Variants in MGAT4C observed in about 807,000 individuals in gnomAD.
MGAT4C encodes MGAT4 family member C.
In MGAT4C, 19 loss-of-function variants were observed where a neutral mutation model predicts 40.1. The observed-to-expected ratio is 0.47, with a 90% CI of 0.33 to 0.70. MGAT4C has a LOEUF of 0.70. MGAT4C is among the 30% of genes least tolerant of loss of function. MGAT4C has a pLI of 0.02. For synonymous variants in MGAT4C, 181 were observed against 187.1 expected, an observed-to-expected ratio of 0.97 and a Z score of 0.27; for missense variants, 491 against 563.2, an observed-to-expected ratio of 0.87 and a Z score of 1.30.
chr12:86,709,601 T>C (rs1297515144), intron 2 of MGAT4C, among the ~76,000 whole-genome samples: 5 of 152,132 alleles, frequency 3.3e-5, no homozygotes, highest in Admixed American at 3.3e-4. Context: ...TATGTATGTA[T>C]GTTTTATAGA....
Position 85,974,291 on chromosome 12 carries a change from G to T in MGAT4C, c.*4998C>A, listed in dbSNP as rs1419067178. On this transcript the variant is annotated 3_prime_UTR_variant, in exon 5 of 5. Transcript: ENST00000611864. ...AGTGAGAACATGAAAGCAAAAGCAA[G>T]TTCAGAAGAGGAACACAACCAGGAG... 2 of 150,796 alleles carry T rather than the reference G, an allele frequency of 1.3e-5. No homozygotes were observed. The highest frequency in any genetic ancestry group is 6.6e-5 in the Admixed American group (1 of 15,086). The allele number at this position is 150,796 out of a possible 1,614,324, so 9.3% of individuals were successfully genotyped here.
At chr12:86,007,044 A>C (rs1887957016) in intron 2 of MGAT4C, among the ~76,000 whole-genome samples, 1 of 152,154 alleles carries the variant, frequency 6.6e-6, no homozygotes, top group African/African-American at 2.4e-5. Flanking sequence ...TGAATCATAT[A>C]ATTCCTCTAA....
At chr12:86,259,483 A>G (rs1377009842), upstream of MGAT4C, among the ~76,000 whole-genome samples, 1 of 152,016 alleles carries the variant, frequency 6.6e-6, no homozygotes, top group Non-Finnish European at 1.5e-5. Context: ...AGAAACTACA[A>G]GAAAAATAAA....
At chr12:86,011,916 T>C (rs1888497460) in intron 2 of MGAT4C, 1 of 947,378 alleles carries the variant, frequency 1.1e-6, no homozygotes, top group Non-Finnish European at 1.3e-6. Context: ...AAAATAGCAA[T>C]CACACAAATG....
rs2136655563 is a variant in MGAT4C, at chr12:85,968,864, T to C, written c.*10425A>G. 1 of 143,438 alleles carries C rather than the reference T, an allele frequency of 7.0e-6. No homozygotes were observed. Among genetic ancestry groups the C allele is most frequent in the East Asian group, 1.9e-4 (1 of 5,160 alleles). 8.9% of individuals were successfully genotyped at this position (143,438 alleles called of 1,614,324 possible). On this transcript the variant is annotated 3_prime_UTR_variant, in exon 5 of 5. Coordinates refer to ENST00000611864, the MANE Select transcript of MGAT4C (RefSeq NM_001351288.2). ...TTAGACAAGTGTGAGCAGAGGTTAA[T>C]AATGTTGAGATGAACTGGGCTTAAT...
At chr12:86,046,732 A>G (rs1892432867) in intron 2 of MGAT4C, among the ~76,000 whole-genome samples, 1 of 152,168 alleles carries the variant, frequency 6.6e-6, no homozygotes, top group Non-Finnish European at 1.5e-5. Context: ...TGATACTAAG[A>G]TATTATTTGT....
intron 2 of MGAT4C, among the ~76,000 whole-genome samples, chr12:86,014,978 C>CTT (rs113674418): frequency 0.01 from 1,353 of 134,546 alleles, 10 homozygotes; most frequent in Middle Eastern, 0.016. Flanking sequence ...TTCTTTCTTT[C>CTT]TTTTTTTTTT....
chr12:86,001,472 A>T (rs1340649263), intron 2 of MGAT4C: 1 of 219,888 alleles, frequency 4.5e-6, no homozygotes, highest in Admixed American at 6.5e-5. Context: ...CAATCTTCTG[A>T]CCCAGAATCC....
At chr12:86,601,648 C>T (rs1961786149) in intron 2 of MGAT4C, among the ~76,000 whole-genome samples, 1 of 152,170 alleles carries the variant, frequency 6.6e-6, no homozygotes, top group African/African-American at 2.4e-5. Context: ...TGTAACATTT[C>T]CCTGCTGGCT....
At chr12:86,735,169 G>C (rs553759609) in intron 1 of MGAT4C, among the ~76,000 whole-genome samples, 1 of 151,464 alleles carries the variant, frequency 6.6e-6, no homozygotes, top group Non-Finnish European at 1.5e-5. Context: ...GAACAAGGGA[G>C]TCAAGAATAT....
intron 2 of MGAT4C, among the ~76,000 whole-genome samples, chr12:86,507,598 C>G (rs969802603): frequency 6.6e-6 from 1 of 152,086 alleles, no homozygotes; most frequent in South Asian, 2.1e-4. Flanking sequence ...GCATTTAACC[C>G]CTCATGTGGA....
At position 86,461,361 on chromosome 12, in the gene MGAT4C, T is replaced by G. The variant is rs370557232; in HGVS notation, c.-228-26096A>C. Among the ~76,000 whole-genome samples the G allele has an allele frequency of 9.3e-5, 14 of 150,838 alleles. No individual in the cohort carries two copies. The South Asian group carries it at 1.9e-3, about 21-fold the overall frequency. On this transcript the variant is annotated intron_variant, in intron 2 of 7. Transcript: ENST00000548651. ...CCCGGGTTCACGCCATTCTCCTGCC[T>G]CAGCCTCCCGAGTAGCTGGGACTAC...
intron 1 of MGAT4C, among the ~76,000 whole-genome samples, chr12:86,140,687 C>G (rs1882712626): frequency 6.6e-6 from 1 of 152,112 alleles, no homozygotes; most frequent in Non-Finnish European, 1.5e-5. Flanking sequence ...TATGTGCCCC[C>G]TACCAACCTT....
chr12:86,444,048 T>C (rs916321168), intron 2 of MGAT4C, among the ~76,000 whole-genome samples: 1 of 152,208 alleles, frequency 6.6e-6, no homozygotes, highest in African/African-American at 2.4e-5. Flanking sequence ...CCTCTACTAC[T>C]TCATTTGTCT....
chr12:86,173,389 A>C (rs1887053671), intron 1 of MGAT4C, among the ~76,000 whole-genome samples: 1 of 152,116 alleles, frequency 6.6e-6, no homozygotes, highest in African/African-American at 2.4e-5. Context: ...TGTTGTAATT[A>C]TCATCATACC....
At chr12:86,505,543 C>T (rs1958457315) in intron 2 of MGAT4C, among the ~76,000 whole-genome samples, 1 of 152,166 alleles carries the variant, frequency 6.6e-6, no homozygotes. Context: ...TAAATTCTTT[C>T]TCATCTGTTT....
chr12:85,996,827 T>C (rs1035209618), intron 2 of MGAT4C, among the ~76,000 whole-genome samples: 1 of 152,192 alleles, frequency 6.6e-6, no homozygotes, highest in African/African-American at 2.4e-5. Flanking sequence ...AATAAATTCA[T>C]TCATTTTCAA....
intron 2 of MGAT4C, among the ~76,000 whole-genome samples, chr12:86,700,074 T>C (rs1434340436): frequency 6.6e-6 from 1 of 151,278 alleles, no homozygotes; most frequent in Admixed American, 6.6e-5. Context: ...ATAAGATAGA[T>C]AGATAATGTA....
At chr12:86,788,136 A>G (rs931189395) in intron 1 of MGAT4C, among the ~76,000 whole-genome samples, 3 of 151,084 alleles carry the variant, frequency 2.0e-5, no homozygotes, top group Admixed American at 1.3e-4. Context: ...CTATATATAT[A>G]TAACACCCAC....
Sources: gnomAD v4.1 joint callset for allele counts (sites outside exome capture counted in the v4.1 genomes callset) on GRCh38, gnomAD v4.1.1 for gene constraint, MANE v1.5 for transcripts, NCBI Gene and HGNC (gene_info 2026-07-23, HGNC 2026-07-21) for gene names.